Variants in TENM2 observed in about 807,000 individuals in gnomAD.
TENM2 encodes the protein teneurin transmembrane protein 2.
Under a neutral mutation model 245.2 loss-of-function variants are expected in TENM2, and 52 were observed. The observed-to-expected ratio is 0.21, with a 90% CI of 0.17 to 0.27. TENM2 has a LOEUF of 0.27. Among genes scored for constraint, TENM2 ranks in the 10% least tolerant of loss-of-function variants. The probability of loss-of-function intolerance (pLI) is 1.00; values close to 1 mark genes in which losing one functional copy is unlikely to be tolerated. For missense variants in TENM2, 3,046 were observed against 3,666.8 expected (o/e 0.83, Z 4.37); for synonymous variants, 1,363 against 1,438.9 (o/e 0.95, Z 1.19).
At chr5:167,458,244 T>C (rs1008438989) in intron 2 of TENM2, among the ~76,000 whole-genome samples, 6 of 151,924 alleles carry the variant, frequency 3.9e-5, no homozygotes, top group African/African-American at 1.2e-4. Context: ...CCCAGCACTT[T>C]GGGAGGCCGA....
At chr5:167,731,953 G>T (rs749989282) in intron 2 of TENM2, among the ~76,000 whole-genome samples, 3 of 151,940 alleles carry the variant, frequency 2.0e-5, no homozygotes, top group East Asian at 1.9e-4. Context: ...AAATCAAGTA[G>T]GCATACATGA....
At chr5:167,368,261 ATAT>A (rs957280044) in intron 1 of TENM2, among the ~76,000 whole-genome samples, 7 of 152,304 alleles carry the variant, frequency 4.6e-5, no homozygotes, top group African/African-American at 1.2e-4. Context: ...TTTAAATTTA[ATAT>A]TATTCACTAT....
chr5:168,112,091 C>G (rs1012985653), intron 9 of TENM2, among the ~76,000 whole-genome samples: 2 of 152,108 alleles, frequency 1.3e-5, no homozygotes, highest in Non-Finnish European at 2.9e-5. Context: ...CAAATCTGAT[C>G]CTCTGTTCCT....
At chr5:167,342,620 C>T (rs1159420640) in intron 1 of TENM2, among the ~76,000 whole-genome samples, 1 of 145,460 alleles carries the variant, frequency 6.9e-6, no homozygotes, top group East Asian at 2.1e-4. Flanking sequence ...CTCCGCTTCC[C>T]GGGTTCACGC....
chr5:167,826,341 G>C (rs1219822457), intron 2 of TENM2, among the ~76,000 whole-genome samples: 1 of 152,098 alleles, frequency 6.6e-6, no homozygotes, highest in East Asian at 1.9e-4. Flanking sequence ...CTTCCGATTG[G>C]CCAGAAATTC....
At chr5:167,290,675 C>A (rs1312164857) in intron 1 of TENM2, among the ~76,000 whole-genome samples, 2 of 151,704 alleles carry the variant, frequency 1.3e-5, no homozygotes, top group African/African-American at 4.8e-5. Context: ...CATTATTTTC[C>A]TATTTTTAGA....
rs747277711 is a variant in TENM2, at chr5:167,611,874, G to A, written c.502+236401G>A. Among the ~76,000 whole-genome samples, 5 of 152,012 alleles carry A rather than the reference G, an allele frequency of 3.3e-5. 1 individual carries two copies. The highest frequency in any genetic ancestry group is 6.5e-5 in the Admixed American group (1 of 15,268). ...CCCTCATGACCTAATCCCACCTCCC[G>A]AAACCATCACATTTGGGACTAGGTT... On this transcript the variant is annotated intron_variant, in intron 2 of 28. Transcript: ENST00000518659.
intron 2 of TENM2, among the ~76,000 whole-genome samples, chr5:167,775,022 T>G (rs1247705084): frequency 6.6e-6 from 1 of 152,074 alleles, no homozygotes; most frequent in African/African-American, 2.4e-5. Context: ...CAGGCTGGAG[T>G]GCAATGGCGC....
chr5:167,613,306 A>G (rs1777590812), intron 2 of TENM2, among the ~76,000 whole-genome samples: 2 of 151,978 alleles, frequency 1.3e-5, no homozygotes, highest in African/African-American at 4.8e-5. Context: ...TCTGCATTCA[A>G]TAAATCTGTT....
the TENM2 span, among the ~76,000 whole-genome samples, chr5:167,221,117 C>T: frequency 2.0e-5 from 3 of 152,144 alleles, no homozygotes; most frequent in Non-Finnish European, 4.4e-5. Flanking sequence ...CATGAACCAC[C>T]GCACCTGGCT....
chr5:168,246,985 C>T (rs1160758375), exon 27 of TENM2: 1 of 1,613,950 alleles, frequency 6.2e-7, no homozygotes, highest in Non-Finnish European at 8.5e-7. Context: ...GGGCACCGGA[C>T]GCCAGGTGTT....
Position 168,246,847 on chromosome 5 carries a change from GC to G in TENM2, c.5911del (p.Arg1971GlyfsTer37). ...CCTTGCCGTCACCATGCCCAGCGTG[GC>G]CCGGCACAGCATGTCCACACACACC... On this transcript the variant is annotated frameshift_variant, in exon 27 of 29. Coordinates refer to ENST00000518659, the Ensembl canonical transcript of TENM2. LOFTEE classifies it high-confidence loss of function. The G allele has an allele frequency of 6.2e-7, 1 of 1,613,892 alleles. No homozygotes were observed. The highest frequency in any genetic ancestry group is 8.5e-7 in the Non-Finnish European group (1 of 1,179,888).
At chr5:167,521,549 G>A (rs1770757025) in intron 2 of TENM2, among the ~76,000 whole-genome samples, 1 of 152,130 alleles carries the variant, frequency 6.6e-6, no homozygotes, top group African/African-American at 2.4e-5. Flanking sequence ...TGTGTCTGGT[G>A]GGATCTTGGC....
chr5:167,445,336 T>TATATATATATAGAGAGAG (rs368881390), intron 2 of TENM2, among the ~76,000 whole-genome samples: 10 of 77,306 alleles, frequency 1.3e-4, no homozygotes, highest in South Asian at 5.3e-4. Context: ...TATATATATA[T>TATATATATATAGAGAGAG]AGAGAGAGAG....
intron 2 of TENM2, among the ~76,000 whole-genome samples, chr5:167,772,670 T>G (rs1162109493): frequency 1.3e-5 from 2 of 152,088 alleles, no homozygotes; most frequent in Non-Finnish European, 2.9e-5. Context: ...ACCCTATTAA[T>G]AGTTTGCTTC....
intron 2 of TENM2, among the ~76,000 whole-genome samples, chr5:167,567,806 A>G (rs1774005529): frequency 6.6e-6 from 1 of 152,168 alleles, no homozygotes; most frequent in Admixed American, 6.5e-5. Flanking sequence ...CTGTATTTTA[A>G]CAACAGTTTT....
intron 7 of TENM2, among the ~76,000 whole-genome samples, chr5:168,066,089 A>G (rs1396989114): frequency 6.6e-6 from 1 of 152,214 alleles, no homozygotes. Flanking sequence ...CTTAAGTGCT[A>G]ATAGTGCTGA....
chr5:167,177,714 A>G, the TENM2 span, among the ~76,000 whole-genome samples: 1 of 152,196 alleles, frequency 6.6e-6, no homozygotes, highest in Non-Finnish European at 1.5e-5. Flanking sequence ...AAAGCAGTTG[A>G]CATGTGGCCT....
intron 20 of TENM2, among the ~76,000 whole-genome samples, chr5:168,212,405 C>T (rs1008046055): frequency 3.3e-5 from 5 of 152,174 alleles, no homozygotes; most frequent in East Asian, 1.9e-4. Flanking sequence ...CACACATACA[C>T]GTGCATTCAC....
Sources: allele counts gnomAD v4.1 joint callset (sites outside exome capture counted in the v4.1 genomes callset), GRCh38; gene constraint gnomAD v4.1.1; transcripts MANE v1.5; gene names NCBI Gene and HGNC (gene_info 2026-07-23, HGNC 2026-07-21).